Variants in EFNA5 observed in about 807,000 individuals in gnomAD.
EFNA5 encodes ephrin-A5.
A neutral mutation model predicts 22.9 loss-of-function variants in EFNA5; 5 were observed. The observed-to-expected ratio is 0.22, with a 90% CI of 0.11 to 0.46. The LOEUF is 0.46. EFNA5 is among the 20% of genes least tolerant of loss of function. The probability of loss-of-function intolerance (pLI) is 0.99; values close to 1 mark genes in which losing one functional copy is unlikely to be tolerated. For synonymous variants in EFNA5, 113 were observed against 112.2 expected (o/e 1.01, Z -0.04); for missense variants, 237 against 293.3 (o/e 0.81, Z 1.40).
At chr5:107,580,444 C>T (rs913901422) in intron 1 of EFNA5, among the ~76,000 whole-genome samples, 4 of 151,856 alleles carry the variant, frequency 2.6e-5, no homozygotes, top group African/African-American at 9.7e-5. Context: ...TACACCCTTT[C>T]ACAGGAAAAA....
intron 1 of EFNA5, 57 bp from the exon 2 acceptor site, chr5:107,427,566 GA>G: frequency 6.8e-7 from 1 of 1,469,900 alleles, no homozygotes; most frequent in South Asian, 1.3e-5. Flanking sequence ...TTTCTGCTTG[GA>G]ATCAGTGGTT....
chr5:107,491,564 G>A (rs992839261), intron 1 of EFNA5, among the ~76,000 whole-genome samples: 2 of 152,158 alleles, frequency 1.3e-5, no homozygotes, highest in African/African-American at 4.8e-5. Flanking sequence ...ACCTGCCTTG[G>A]CCTCCCAAAG....
intron 1 of EFNA5, among the ~76,000 whole-genome samples, chr5:107,550,661 A>G (rs1394767159): frequency 6.6e-6 from 1 of 152,200 alleles, no homozygotes; most frequent in Non-Finnish European, 1.5e-5. Flanking sequence ...AGACATTTCT[A>G]TTCCCAAAGA....
rs116131735 is a variant in EFNA5, at chr5:107,435,972, T to C, written c.126-8463A>G. Among the ~76,000 whole-genome samples the C allele has an allele frequency of 6.9e-3, 1,045 of 152,364 alleles. 16 individuals carry two copies. The highest frequency in any genetic ancestry group is 0.024 in the African/African-American group (978 of 41,590). On this transcript the variant is annotated intron_variant, in intron 1 of 4. Transcript: ENST00000333274. ...TTTAGAATTCATCAGCAGTTTATTA[T>C]ACTACCCTGTCACTTTTTTTCTTGT...
chr5:107,646,659 T>C (rs1750638704), intron 1 of EFNA5, among the ~76,000 whole-genome samples: 2 of 152,174 alleles, frequency 1.3e-5, no homozygotes, highest in Non-Finnish European at 2.9e-5. Context: ...TGACTCATTT[T>C]GTGCATATCT....
chr5:107,403,125 T>C (rs778240115), intron 2 of EFNA5, among the ~76,000 whole-genome samples: 9 of 152,278 alleles, frequency 5.9e-5, no homozygotes, highest in South Asian at 2.1e-4. Context: ...TTCCCCTGTA[T>C]AGCCAGGGCC....
At chr5:107,485,505 A>G (rs1470731272) in intron 1 of EFNA5, among the ~76,000 whole-genome samples, 1 of 152,154 alleles carries the variant, frequency 6.6e-6, no homozygotes, top group Non-Finnish European at 1.5e-5. Flanking sequence ...CTCTGGGAAG[A>G]AAATGTTTGT....
intron 1 of EFNA5, among the ~76,000 whole-genome samples, chr5:107,637,959 G>T (rs62355658): frequency 1.3e-5 from 2 of 151,204 alleles, no homozygotes; most frequent in Admixed American, 6.6e-5. Flanking sequence ...CCATTCTCCT[G>T]CCTCAGCCTC....
chr5:107,479,069 C>T (rs896679553), intron 1 of EFNA5, among the ~76,000 whole-genome samples: 3 of 152,136 alleles, frequency 2.0e-5, no homozygotes, highest in African/African-American at 4.8e-5. Context: ...TCTGGAATGA[C>T]ATTATGAATA....
intron 1 of EFNA5, among the ~76,000 whole-genome samples, chr5:107,447,795 AT>A (rs1170964875): frequency 1.3e-5 from 2 of 152,066 alleles, no homozygotes; most frequent in Non-Finnish European, 2.9e-5. Context: ...TTAGAACCTT[AT>A]TTTGAAAAAG....
Position 107,670,708 on chromosome 5 carries a change from C to T in EFNA5, c.-95G>A, listed in dbSNP as rs1297746226. ...GGCAGGCAAAGGGACAGAGAGAGAG[C>T]GGGCGCCAAATAAATATGAATAAAT... On this transcript the variant is annotated 5_prime_UTR_variant, in exon 1 of 5. Transcript: ENST00000333274. The T allele has an allele frequency of 2.0e-6, 3 of 1,484,416 alleles. No homozygotes were observed. Among genetic ancestry groups the T allele is most frequent in the East Asian group, 5.1e-5 (2 of 39,246 alleles). 92.0% of individuals were successfully genotyped at this position (1,484,416 alleles called of 1,614,324 possible). A position where few individuals can be genotyped will look rare whatever the true frequency, so the allele number is the denominator to read the frequency against.
At chr5:107,544,558 A>T (rs915707816) in intron 1 of EFNA5, among the ~76,000 whole-genome samples, 3 of 152,212 alleles carry the variant, frequency 2.0e-5, no homozygotes, top group African/African-American at 7.2e-5. Flanking sequence ...ACTTGGAAAA[A>T]GCAAATGATG....
At chr5:107,596,210 C>CA (rs1330310495) in intron 1 of EFNA5, among the ~76,000 whole-genome samples, 1 of 152,132 alleles carries the variant, frequency 6.6e-6, no homozygotes, top group East Asian at 1.9e-4. Context: ...ATTATATGCA[C>CA]AATGTTTCCA....
At chr5:107,655,607 G>A (rs950607519) in intron 1 of EFNA5, among the ~76,000 whole-genome samples, 2 of 151,984 alleles carry the variant, frequency 1.3e-5, no homozygotes, top group African/African-American at 4.8e-5. Context: ...TGGCATAAAT[G>A]AGGTTTGTAC....
At chr5:107,534,756 G>A (rs1026051922) in intron 1 of EFNA5, among the ~76,000 whole-genome samples, 1 of 152,150 alleles carries the variant, frequency 6.6e-6, no homozygotes. Context: ...GTGTATGTGA[G>A]CTCCCCAGAA....
intron 1 of EFNA5, among the ~76,000 whole-genome samples, chr5:107,595,001 TG>T (rs1331228697): frequency 6.6e-6 from 1 of 152,066 alleles, no homozygotes; most frequent in African/African-American, 2.4e-5. Flanking sequence ...GTGTAATTTG[TG>T]GTATATGGCT....
intron 1 of EFNA5, among the ~76,000 whole-genome samples, chr5:107,534,659 C>G (rs1193422221): frequency 6.6e-6 from 1 of 152,108 alleles, no homozygotes; most frequent in Non-Finnish European, 1.5e-5. Flanking sequence ...GCCAAAACAC[C>G]AGGCAGAAGT....
intron 1 of EFNA5, among the ~76,000 whole-genome samples, chr5:107,559,103 C>G (rs1009613184): frequency 6.6e-6 from 1 of 152,202 alleles, no homozygotes; most frequent in Non-Finnish European, 1.5e-5. Context: ...TCGTAAATCA[C>G]TGGGATGGTG....
chr5:107,628,769 G>A (rs1011291169), intron 1 of EFNA5, among the ~76,000 whole-genome samples: 1 of 152,154 alleles, frequency 6.6e-6, no homozygotes, highest in Non-Finnish European at 1.5e-5. Context: ...TCTGAAGGCT[G>A]TGAAAAGAGA....
Sources: gnomAD v4.1 joint callset for allele counts (sites outside exome capture counted in the v4.1 genomes callset) on GRCh38, gnomAD v4.1.1 for gene constraint, MANE v1.5 for transcripts, NCBI Gene and HGNC (gene_info 2026-07-23, HGNC 2026-07-21) for gene names.